Variants in AK5 observed in about 807,000 individuals in gnomAD.
AK5 encodes the protein adenylate kinase isoenzyme 5.
A neutral mutation model predicts 69.5 loss-of-function variants in AK5; 27 were observed. The ratio of observed to expected loss-of-function variants is 0.39; its 90% CI spans 0.29 to 0.54. The LOEUF is 0.54. Among genes scored for constraint, AK5 ranks in the 20% least tolerant of loss-of-function variants. The pLI, the probability that AK5 is intolerant of heterozygous loss-of-function variation, is 0.71. For synonymous variants in AK5, 260 were observed against 244.4 expected, an observed-to-expected ratio of 1.06 and a Z score of -0.60; for missense variants, 531 against 700.4, an observed-to-expected ratio of 0.76 and a Z score of 2.73.
chr1:77,528,348 A>T (rs1488040034), intron 12 of AK5, among the ~76,000 whole-genome samples: 1 of 152,168 alleles, frequency 6.6e-6, no homozygotes, highest in Non-Finnish European at 1.5e-5. Flanking sequence ...TAACCAGCCC[A>T]CAAAAATCTC....
chr1:77,434,354 C>A (rs555441927), intron 8 of AK5, among the ~76,000 whole-genome samples: 1 of 152,152 alleles, frequency 6.6e-6, no homozygotes, highest in African/African-American at 2.4e-5. Context: ...GCTTCCCATA[C>A]AATTTACTAA....
At chr1:77,336,168 G>A (rs1038274461) in intron 5 of AK5, among the ~76,000 whole-genome samples, 1 of 144,368 alleles carries the variant, frequency 6.9e-6, no homozygotes, top group Non-Finnish European at 1.5e-5. Context: ...TGCAACCTCC[G>A]CCTCCCGGGT....
intron 10 of AK5, among the ~76,000 whole-genome samples, chr1:77,490,807 G>C (rs1345798937): frequency 7.5e-6 from 1 of 132,652 alleles, no homozygotes; most frequent in South Asian, 2.4e-4. Context: ...TAAATCTCTT[G>C]ATCATTATTT....
chr1:77,296,560 G>A (rs945047721), intron 3 of AK5, among the ~76,000 whole-genome samples: 1 of 151,910 alleles, frequency 6.6e-6, no homozygotes, highest in African/African-American at 2.4e-5. Flanking sequence ...TTAAATTAAT[G>A]GAGTGTATAA....
At chr1:77,374,617 C>T (rs1647190145) in intron 6 of AK5, among the ~76,000 whole-genome samples, 1 of 151,792 alleles carries the variant, frequency 6.6e-6, no homozygotes, top group South Asian at 2.1e-4. Context: ...GCCAGTAGTG[C>T]GAGACTAACC....
chr1:77,551,752 A>C (rs1275203300), intron 13 of AK5, among the ~76,000 whole-genome samples: 1 of 152,208 alleles, frequency 6.6e-6, no homozygotes, highest in Non-Finnish European at 1.5e-5. Flanking sequence ...TAGACTACAG[A>C]AAATGGGCTC....
chr1:77,513,391 C>G (rs1410164943), intron 10 of AK5, among the ~76,000 whole-genome samples: 1 of 152,190 alleles, frequency 6.6e-6, no homozygotes, highest in Admixed American at 6.5e-5. Flanking sequence ...ATGGAAAAGA[C>G]CCAGTTCTGG....
At chr1:77,419,592 T>G (rs1328477752) in intron 8 of AK5, among the ~76,000 whole-genome samples, 1 of 152,136 alleles carries the variant, frequency 6.6e-6, no homozygotes, top group Non-Finnish European at 1.5e-5. Context: ...AACGGTTGAA[T>G]AGTAAACTAG....
intron 6 of AK5, among the ~76,000 whole-genome samples, chr1:77,362,528 C>T (rs1332601094): frequency 6.6e-6 from 1 of 151,978 alleles, no homozygotes; most frequent in Admixed American, 6.6e-5. Context: ...TTATTGTATA[C>T]CAAAAAACCC....
intron 5 of AK5, among the ~76,000 whole-genome samples, chr1:77,301,650 T>C (rs1439893727): frequency 1.3e-5 from 2 of 152,192 alleles, no homozygotes; most frequent in African/African-American, 4.8e-5. Context: ...ATATATAGTT[T>C]TCTTCATCAG....
intron 8 of AK5, among the ~76,000 whole-genome samples, chr1:77,479,549 C>A (rs1425478026): frequency 6.6e-6 from 1 of 152,138 alleles, no homozygotes; most frequent in African/African-American, 2.4e-5. Context: ...CAGCTTCTCC[C>A]ACCTTAACAG....
intron 10 of AK5, among the ~76,000 whole-genome samples, chr1:77,505,386 C>T (rs780399134): frequency 6.6e-6 from 1 of 152,128 alleles, no homozygotes; most frequent in Non-Finnish European, 1.5e-5. Context: ...CAGACAGATT[C>T]CCAAAGAAAA....
chr1:77,498,605 T>A (rs1656506744), intron 10 of AK5, among the ~76,000 whole-genome samples: 1 of 152,106 alleles, frequency 6.6e-6, no homozygotes. Context: ...TGTGTCTAGG[T>A]CATGGGGTTG....
intron 8 of AK5, among the ~76,000 whole-genome samples, chr1:77,431,808 A>C (rs1377246711): frequency 6.6e-6 from 1 of 152,184 alleles, no homozygotes; most frequent in Non-Finnish European, 1.5e-5. Context: ...CAGGGAGGTA[A>C]AGGAAGACAA....
intron 6 of AK5, among the ~76,000 whole-genome samples, chr1:77,358,938 A>G (rs1017572840): frequency 6.6e-6 from 1 of 151,968 alleles, no homozygotes; most frequent in Non-Finnish European, 1.5e-5. Flanking sequence ...AACAAAAAAA[A>G]AAGAAGAAGA....
chr1:77,519,444 C>T (rs1657858637), intron 11 of AK5, among the ~76,000 whole-genome samples: 1 of 152,174 alleles, frequency 6.6e-6, no homozygotes, highest in South Asian at 2.1e-4. Flanking sequence ...TCCCTAAAGT[C>T]TCCTCTTTTC....
chr1:77,558,419 G>GT (rs1259039829), intron 13 of AK5, among the ~76,000 whole-genome samples, 183 bp from the exon 14 acceptor site: 3 of 143,240 alleles, frequency 2.1e-5, no homozygotes, highest in African/African-American at 5.1e-5. Context: ...GTACTTCATT[G>GT]TTTTTTTAAT....
At chr1:77,511,174 A>G (rs1003275463) in intron 10 of AK5, among the ~76,000 whole-genome samples, 3 of 152,128 alleles carry the variant, frequency 2.0e-5, no homozygotes, top group Non-Finnish European at 1.5e-5. Context: ...GTTTCTAACC[A>G]TCACCAACAG....
In AK5 at chr1:77,521,959, G is replaced by C. The variant is rs768023644; in HGVS notation, c.1428+16G>C. On this transcript the variant is annotated intron_variant, in intron 12 of 13. Transcript: ENST00000354567. ...CGGACGCAGGGTGAGTGGTTGTTAC[G>C]GGCATCCTTCCAGAAGAAAAATAGG... 1.7e-5 allele frequency: 27 copies of C among 1,560,580 alleles called. No individual in the cohort carries two copies. In the Admixed American group the frequency reaches 5.2e-4, roughly 30 times the overall value.
Sources: gnomAD v4.1 joint callset for allele counts (sites outside exome capture counted in the v4.1 genomes callset) on GRCh38, gnomAD v4.1.1 for gene constraint, MANE v1.5 for transcripts, NCBI Gene and HGNC (gene_info 2026-07-23, HGNC 2026-07-21) for gene names.